Variants in STK32B observed in about 807,000 individuals in gnomAD.
STK32B encodes the protein serine/threonine kinase 32B, also known as serine/threonine-protein kinase 32B.
A neutral mutation model predicts 52.6 loss-of-function variants in STK32B; 43 were observed. The observed-to-expected ratio is 0.82, with a 90% CI of 0.64 to 1.05. STK32B has a LOEUF of 1.05. Ranked by LOEUF, STK32B falls within the 50% of genes least tolerant of loss-of-function variation. The pLI, the probability that STK32B is intolerant of heterozygous loss-of-function variation, is 0.00. For synonymous variants in STK32B, 238 were observed against 204.3 expected, an observed-to-expected ratio of 1.17 and a Z score of -1.41; for missense variants, 621 against 534.6, an observed-to-expected ratio of 1.16 and a Z score of -1.59.
chr4:5,061,059 A>G (rs572948597), intron 1 of STK32B, among the ~76,000 whole-genome samples: 1 of 152,182 alleles, frequency 6.6e-6, no homozygotes, highest in South Asian at 2.1e-4. Flanking sequence ...GAGGATTTTT[A>G]TTTTGTCATT....
At chr4:5,144,030 G>C (rs1175349742) in intron 2 of STK32B, among the ~76,000 whole-genome samples, 1 of 152,190 alleles carries the variant, frequency 6.6e-6, no homozygotes, top group Non-Finnish European at 1.5e-5. Context: ...GTTGCCAGAG[G>C]AGTGATCGGC....
intron 5 of STK32B, among the ~76,000 whole-genome samples, chr4:5,403,415 G>A (rs896664090): frequency 6.6e-6 from 1 of 152,094 alleles, no homozygotes; most frequent in Non-Finnish European, 1.5e-5. Context: ...TAAAGGCTCT[G>A]GCCCACATTT....
intron 3 of STK32B, among the ~76,000 whole-genome samples, chr4:5,168,767 G>A (rs1342891094): frequency 2.6e-5 from 4 of 152,158 alleles, no homozygotes; most frequent in African/African-American, 7.2e-5. Flanking sequence ...GGAGTGGGGA[G>A]CTCAGTGTTT....
At chr4:5,354,558 C>A (rs536070014) in intron 4 of STK32B, among the ~76,000 whole-genome samples, 1 of 152,306 alleles carries the variant, frequency 6.6e-6, no homozygotes, top group South Asian at 2.1e-4. Flanking sequence ...GACCACCACG[C>A]CTGGCCCCAA....
intron 1 of STK32B, among the ~76,000 whole-genome samples, chr4:5,115,514 C>T (rs1309848734): frequency 6.6e-6 from 1 of 152,186 alleles, no homozygotes; most frequent in East Asian, 1.9e-4. Context: ...AGAAGTGTGT[C>T]TGGGGCAAAG....
chr4:5,214,215 T>C (rs1335812960), intron 3 of STK32B: 3 of 152,186 alleles, frequency 2.0e-5, no homozygotes, highest in Non-Finnish European at 4.4e-5. Context: ...TGTTTAAAAG[T>C]GTGTAGTGCT....
chr4:5,352,671 G>GATGAT (rs199703921), intron 4 of STK32B, among the ~76,000 whole-genome samples: 1 of 150,470 alleles, frequency 6.6e-6, no homozygotes, highest in Non-Finnish European at 1.5e-5. Context: ...CCTCTTTGCT[G>GATGAT]ATGATATGAT....
rs568211198 is a variant in STK32B at position 5,413,979 on chromosome 4, A to C, written c.473-2866A>C. Among the ~76,000 whole-genome samples the C allele has an allele frequency of 2.2e-4, 34 of 152,352 alleles. No individual in the cohort carries two copies. In the South Asian group the frequency reaches 3.9e-3, roughly 18 times the overall value. On this transcript the variant is annotated intron_variant, in intron 5 of 11. Coordinates refer to ENST00000282908, the MANE Select transcript of STK32B (RefSeq NM_018401.3). ...AATCCCACTTCTGGGGATTTACTCA[A>C]AATAAAAGTACTAACATGTAAAGAT...
At chr4:5,444,671 T>C (rs115685212) in intron 6 of STK32B, among the ~76,000 whole-genome samples, 3,238 of 152,362 alleles carry the variant, frequency 0.021, 51 homozygotes, top group Middle Eastern at 0.092. Context: ...CTGTTAGTAA[T>C]GCCTAATGTT....
Position 5,131,313 on chromosome 4 carries a change from G to A in STK32B, c.53-8592G>A, listed in dbSNP as rs548220336. Among the ~76,000 whole-genome samples, 22 of 152,280 alleles carry A rather than the reference G, an allele frequency of 1.4e-4. 1 individual carries two copies. The South Asian group carries it at 2.9e-3, about 20-fold the overall frequency. On this transcript the variant is annotated intron_variant, in intron 1 of 11. Transcript: ENST00000282908. ...AGCTTTCGTCAGGCAGGCTGAGATC[G>A]CTGTACAATCACTGAGATCCTGCTT...
chr4:5,385,760 A>G (rs1159089574), intron 4 of STK32B, among the ~76,000 whole-genome samples: 1 of 151,370 alleles, frequency 6.6e-6, no homozygotes, highest in Non-Finnish European at 1.5e-5. Context: ...GTGCTGCTCC[A>G]CCTCTCCTGG....
intron 5 of STK32B, among the ~76,000 whole-genome samples, chr4:5,412,460 C>G (rs1477241955): frequency 6.6e-6 from 1 of 152,148 alleles, no homozygotes; most frequent in Non-Finnish European, 1.5e-5. Context: ...GTGTTGCCCA[C>G]TGTACCTGAA....
intron 2 of STK32B, among the ~76,000 whole-genome samples, chr4:5,156,054 A>G (rs755127437): frequency 6.6e-6 from 1 of 151,920 alleles, no homozygotes; most frequent in African/African-American, 2.4e-5. Context: ...CAAAACACAT[A>G]CAGTACACAT....
chr4:5,448,115 G>T (rs1045821429), intron 7 of STK32B, among the ~76,000 whole-genome samples: 1 of 152,166 alleles, frequency 6.6e-6, no homozygotes, highest in Non-Finnish European at 1.5e-5. Flanking sequence ...GTGCAAATAA[G>T]TATTATTTGT....
At chr4:5,393,430 A>G (rs1736702685) in intron 4 of STK32B, among the ~76,000 whole-genome samples, 1 of 152,206 alleles carries the variant, frequency 6.6e-6, no homozygotes, top group Non-Finnish European at 1.5e-5. Flanking sequence ...ATAAAGAAAT[A>G]CTGGAGACTG....
intron 3 of STK32B, among the ~76,000 whole-genome samples, chr4:5,237,291 G>T (rs1724701434): frequency 6.6e-6 from 1 of 152,192 alleles, no homozygotes; most frequent in Non-Finnish European, 1.5e-5. Context: ...TTCCTGGGTG[G>T]GACATTGTGA....
chr4:5,165,839 T>C (rs763534845), intron 2 of STK32B, among the ~76,000 whole-genome samples: 1 of 152,192 alleles, frequency 6.6e-6, no homozygotes, highest in Non-Finnish European at 1.5e-5. Flanking sequence ...TTTTACTCTG[T>C]GGAAAAAACA....
intron 3 of STK32B, among the ~76,000 whole-genome samples, chr4:5,309,215 T>C: frequency 6.6e-6 from 1 of 151,876 alleles, no homozygotes; most frequent in Non-Finnish European, 1.5e-5. Context: ...AGGAAAACTA[T>C]AAAACAGCGA....
Position 5,460,944 on chromosome 4 carries a change from G to A in STK32B, c.909+716G>A, listed in dbSNP as rs896734837. 2.0e-5 allele frequency among the ~76,000 whole-genome samples: 3 copies of A among 152,198 alleles called. No individual in the cohort carries two copies. Among genetic ancestry groups the A allele is most frequent in the Non-Finnish European group, 2.9e-5 (2 of 68,032 alleles). ...AAACTGGAGTGTTTAAGGCAGGGAA[G>A]TGAAAGCATTGGATTTACATTTTAA... On this transcript the variant is annotated intron_variant, in intron 9 of 11. Coordinates refer to ENST00000282908, the MANE Select transcript of STK32B (RefSeq NM_018401.3). This position sits in a 1 kb window ranked among gnomAD's most constrained non-coding sequence, Gnocchi z 4.8.
Sources: allele counts gnomAD v4.1 joint callset (sites outside exome capture counted in the v4.1 genomes callset), GRCh38; gene constraint gnomAD v4.1.1; non-coding constraint Gnocchi (gnomAD v3.1); transcripts MANE v1.5; gene names NCBI Gene and HGNC (gene_info 2026-07-23, HGNC 2026-07-21).